ADCY1: variants seen among roughly 807,000 people sequenced by gnomAD.
The protein encoded by ADCY1 is adenylate cyclase 1, also known as adenylate cyclase type 1.
Under a neutral mutation model 105.4 loss-of-function variants are expected in ADCY1, and 28 were observed. That is an observed-to-expected ratio of 0.27 (90% CI 0.20 to 0.36). The LOEUF is 0.36. ADCY1 is among the 10% of genes least tolerant of loss of function. ADCY1 has a pLI of 1.00. For synonymous variants in ADCY1, 655 were observed against 623.8 expected (o/e 1.05, Z -0.75); for missense variants, 977 against 1,434.2 (o/e 0.68, Z 5.15).
chr7:45,710,451 A>G lies in ADCY1; in HGVS notation c.2933-77A>G. 2 of 1,558,444 alleles carry G rather than the reference A, an allele frequency of 1.3e-6. No individual in the cohort carries two copies. The highest frequency in any genetic ancestry group is 1.7e-6 in the Non-Finnish European group (2 of 1,148,364). On this transcript the variant is annotated intron_variant, in intron 18 of 19. Coordinates refer to ENST00000297323, the MANE Select transcript of ADCY1 (RefSeq NM_021116.4). This position sits in a 1 kb window ranked among gnomAD's most constrained non-coding sequence, Gnocchi z 4.7. ...CCTTTTCTCCACCAGGAGCAGCATC[A>G]GGTGCATTTGGTGGCCCTGGTGGGG...
At chr7:45,619,541 A>G (rs1406362856) in intron 3 of ADCY1, among the ~76,000 whole-genome samples, 1 of 152,170 alleles carries the variant, frequency 6.6e-6, no homozygotes, top group African/African-American at 2.4e-5. Context: ...TATTTATACA[A>G]CATACACACA....
rs1331088445 is a variant in ADCY1 at position 45,575,591 on chromosome 7, C to T, written c.639+409C>T. Among the ~76,000 whole-genome samples, 2 of 152,194 alleles carry T rather than the reference C, an allele frequency of 1.3e-5. No homozygotes were observed. The highest frequency in any genetic ancestry group is 2.9e-5 in the Non-Finnish European group (2 of 68,044). On this transcript the variant is annotated intron_variant, in intron 1 of 19. Coordinates refer to ENST00000297323, the MANE Select transcript of ADCY1 (RefSeq NM_021116.4). This position sits in a 1 kb window ranked among gnomAD's most constrained non-coding sequence, Gnocchi z 4.7. The stretch of plus-strand genomic sequence containing the variant: ...AGGGCAAGCTCCAAGGCCGGCTCTG[C>T]GCGCAGCGCTGGGCTCTTCCCCTGC...
intron 2 of ADCY1, among the ~76,000 whole-genome samples, chr7:45,606,505 T>C (rs190162381): frequency 1.5e-3 from 235 of 152,320 alleles, no homozygotes; most frequent in African/African-American, 5.2e-3. Context: ...TCTCAAGCAC[T>C]CAGTCTGGCA....
At chr7:45,664,187 G>T (rs925566786) in intron 8 of ADCY1, 1 of 1,049,790 alleles carries the variant, frequency 9.5e-7, no homozygotes, top group Non-Finnish European at 1.4e-6. Flanking sequence ...ATTTTACAAG[G>T]AAGTGCACCG....
chr7:45,659,071 CCT>C (rs1353860176), intron 6 of ADCY1, among the ~76,000 whole-genome samples: 13 of 152,198 alleles, frequency 8.5e-5, no homozygotes, highest in Non-Finnish European at 1.9e-4. Flanking sequence ...CCCTTTGCAG[CCT>C]CTCTTCCTGG....
Position 45,633,074 on chromosome 7 carries a change from T to A in ADCY1, c.1020+10331T>A, listed in dbSNP as rs557920786. 1.1e-4 allele frequency among the ~76,000 whole-genome samples: 16 copies of A among 152,228 alleles called. No homozygotes were observed. The South Asian group carries it at 3.3e-3, about 32-fold the overall frequency. On this transcript the variant is annotated intron_variant, in intron 4 of 19. Coordinates refer to ENST00000297323, the MANE Select transcript of ADCY1 (RefSeq NM_021116.4). The stretch of plus-strand genomic sequence containing the variant: ...CTGAGATTACAGGCACACACCACCA[T>A]GCCTGGCTAATTTTTGTATTTTTGG...
chr7:45,626,957 G>A (rs894410265), intron 4 of ADCY1, among the ~76,000 whole-genome samples: 1 of 152,184 alleles, frequency 6.6e-6, no homozygotes, highest in African/African-American at 2.4e-5. Context: ...GCCAGAAGGA[G>A]ATGCTCCAAT....
At chr7:45,620,966 T>C (rs1793874183) in intron 3 of ADCY1, among the ~76,000 whole-genome samples, 1 of 152,184 alleles carries the variant, frequency 6.6e-6, no homozygotes, top group Non-Finnish European at 1.5e-5. Flanking sequence ...CATATCTGAC[T>C]TCCCTGCTTT....
chr7:45,687,397 G>A lies in ADCY1; in HGVS notation c.2454+724G>A, dbSNP rs193189507. Among the ~76,000 whole-genome samples, 4 of 152,312 alleles carry A rather than the reference G, an allele frequency of 2.6e-5. No individual in the cohort carries two copies. The East Asian group carries it at 7.7e-4, about 29-fold the overall frequency. On this transcript the variant is annotated intron_variant, in intron 14 of 19. Coordinates refer to ENST00000297323, the MANE Select transcript of ADCY1 (RefSeq NM_021116.4). ...ACCTGTGTCCACCCCATGGCCAGGG[G>A]CCAAGGCAGCGTGTGGGTGCTGGTG...
chr7:45,708,382 G>T lies in ADCY1; in HGVS notation c.2850G>T (p.Thr950=). ...AKKSISSHLS[T]LADFAIEMFD... is the part of the protein sequence containing the mutation. ...AGTCCATCTCCTCCCACCTGAGCAC[G>T]CTGGCGGACTTTGCCATTGAGATGT... is the stretch of plus-strand genomic sequence containing the variant. Residue 950 remains threonine (T), a synonymous_variant, in exon 18 of 20, where the codon ACG becomes ACT. Coordinates refer to ENST00000297323, the MANE Select transcript of ADCY1 (RefSeq NM_021116.4). This position sits in a 1 kb window ranked among gnomAD's most constrained non-coding sequence, Gnocchi z 4.7. 1 of 1,614,186 alleles carries T rather than the reference G, an allele frequency of 6.2e-7. No individual in the cohort carries two copies. The highest frequency in any genetic ancestry group is 8.5e-7 in the Non-Finnish European group (1 of 1,180,010).
At chr7:45,627,800 G>T (rs1794106499) in intron 4 of ADCY1, among the ~76,000 whole-genome samples, 1 of 152,126 alleles carries the variant, frequency 6.6e-6, no homozygotes, top group Non-Finnish European at 1.5e-5. Context: ...AAGAGCAGGG[G>T]CCACTTCTTA....
At position 45,635,601 on chromosome 7, in the gene ADCY1, G is replaced by GGTTTTTTT. The variant is rs1794379951; in HGVS notation, c.1020+12858_1020+12859insGTTTTTTT. On this transcript the variant is annotated intron_variant, in intron 4 of 19. Coordinates refer to ENST00000297323, the MANE Select transcript of ADCY1 (RefSeq NM_021116.4). ...TTCAAAATACTTTCTAATTTCTCTT[G>GGTTTTTTT]TTTTTTTTTTTTTTTTTTTTTTTTT... is the stretch of plus-strand genomic sequence containing the variant. Among the ~76,000 whole-genome samples, 51 of 57,200 alleles carry GGTTTTTTT rather than the reference G, an allele frequency of 8.9e-4. 1 individual carries two copies. The highest frequency in any genetic ancestry group is 3.5e-3 in the African/African-American group (50 of 14,368). 37.5% of individuals were successfully genotyped at this position (57,200 alleles called of 152,430 possible).
intron 14 of ADCY1, among the ~76,000 whole-genome samples, chr7:45,689,812 T>C (rs887767388): frequency 6.6e-6 from 1 of 152,146 alleles, no homozygotes; most frequent in Non-Finnish European, 1.5e-5. Context: ...GCATACTGTG[T>C]TTCTCTGGGC....
intron 19 of ADCY1, among the ~76,000 whole-genome samples, chr7:45,712,164 ATATTT>A (rs1233418074): frequency 7.1e-6 from 1 of 140,788 alleles, no homozygotes; most frequent in African/African-American, 2.6e-5. Flanking sequence ...TAAATTTTAA[ATATTT>A]TATAATTTTA....
chr7:45,678,106 A>T, intron 9 of ADCY1, 43 bp downstream of exon 9: 1 of 1,613,656 alleles, frequency 6.2e-7, no homozygotes, highest in Non-Finnish European at 8.5e-7. Flanking sequence ...CTGCTTGCGA[A>T]GGCGCTGCCT....
At chr7:45,586,088 C>G (rs776765180) in intron 1 of ADCY1, among the ~76,000 whole-genome samples, 1 of 152,114 alleles carries the variant, frequency 6.6e-6, no homozygotes, top group Admixed American at 6.6e-5. Context: ...GCCTTGTGTT[C>G]CTCACTTTCC....
At chr7:45,616,983 C>T (rs1177645999) in intron 3 of ADCY1, among the ~76,000 whole-genome samples, 4 of 152,184 alleles carry the variant, frequency 2.6e-5, no homozygotes, top group Non-Finnish European at 4.4e-5. Flanking sequence ...CTTGATCCTC[C>T]CAAGTTTTGA....
intron 2 of ADCY1, among the ~76,000 whole-genome samples, chr7:45,599,922 G>A (rs569434337): frequency 1.6e-4 from 25 of 152,326 alleles, no homozygotes; most frequent in African/African-American, 5.8e-4. Context: ...CGCCTTGAGC[G>A]GCCTTGCCAC....
chr7:45,651,837 T>C (rs1011246940), intron 5 of ADCY1, among the ~76,000 whole-genome samples: 5 of 152,202 alleles, frequency 3.3e-5, no homozygotes, highest in African/African-American at 1.2e-4. Flanking sequence ...ATGTGTCCCT[T>C]TCCAAGGCCC....
Sources: gnomAD v4.1 joint callset for allele counts (sites outside exome capture counted in the v4.1 genomes callset) on GRCh38, gnomAD v4.1.1 for gene constraint, Gnocchi (gnomAD v3.1) non-coding constraint, MANE v1.5 for transcripts, NCBI Gene and HGNC (gene_info 2026-07-23, HGNC 2026-07-21) for gene names.